CALN1: variants seen among roughly 807,000 people sequenced by gnomAD.
The protein encoded by CALN1 is calneuron 1.
Under a neutral mutation model 30.6 loss-of-function variants are expected in CALN1, and 17 were observed. That is an observed-to-expected ratio of 0.56 (90% CI 0.38 to 0.83). The LOEUF (loss-of-function observed/expected upper bound fraction) is 0.83. Ranked by LOEUF, CALN1 falls within the 40% of genes least tolerant of loss-of-function variation. The probability of loss-of-function intolerance (pLI) is 0.00; values close to 1 mark genes in which losing one functional copy is unlikely to be tolerated. For synonymous variants in CALN1, 156 were observed against 131.4 expected (o/e 1.19, Z -1.28); for missense variants, 291 against 354.9 (o/e 0.82, Z 1.45).
At chr7:71,942,822 C>A (rs6947748) in intron 5 of CALN1, among the ~76,000 whole-genome samples, 24,497 of 152,096 alleles carry the variant, frequency 0.16, 2,288 homozygotes, top group Non-Finnish European at 0.23. Flanking sequence ...CTGCTTAGGG[C>A]AAACCTGCCT....
chr7:72,293,334 C>T (rs888724642), intron 2 of CALN1, among the ~76,000 whole-genome samples: 1 of 151,936 alleles, frequency 6.6e-6, no homozygotes, highest in Admixed American at 6.6e-5. Context: ...TAGGGGCTGC[C>T]CAATAGGAAC....
chr7:72,475,834 C>T, the CALN1 span, among the ~76,000 whole-genome samples: 465 of 151,562 alleles, frequency 3.1e-3, 4 homozygotes, highest in Admixed American at 0.018. Context: ...TCATAGGGGC[C>T]GGTCTTTCTT....
chr7:71,795,950 C>T (rs1786887345), intron 6 of CALN1, among the ~76,000 whole-genome samples: 2 of 151,232 alleles, frequency 1.3e-5, no homozygotes, highest in South Asian at 4.2e-4. Flanking sequence ...TCCCGAGTAG[C>T]TGGGACTACA....
chr7:72,084,524 C>T (rs533409397), intron 4 of CALN1, among the ~76,000 whole-genome samples: 97 of 151,384 alleles, frequency 6.4e-4, no homozygotes, highest in African/African-American at 2.1e-3. Context: ...ATGCCCAGCT[C>T]ATTTTTTTGT....
chr7:71,787,733 A>G lies in CALN1; in HGVS notation c.*42T>C, dbSNP rs1250391172. The G allele has an allele frequency of 1.9e-6, 3 of 1,609,668 alleles. No individual in the cohort carries two copies. Among genetic ancestry groups the G allele is most frequent in the Non-Finnish European group, 1.7e-6 (2 of 1,178,056 alleles). ...AAGAGTCTGCCCGCACGGCATGCAC[A>G]TGCGCGGTGAGCTGCAACACAGTGT... On this transcript the variant is annotated 3_prime_UTR_variant, in exon 7 of 7. Coordinates refer to ENST00000395275, the MANE Select transcript of CALN1 (RefSeq NM_031468.4).
chr7:72,397,712 T>TCCCACACACACA (rs1248212217), intron 2 of CALN1, among the ~76,000 whole-genome samples: 2 of 70,218 alleles, frequency 2.8e-5, no homozygotes, highest in East Asian at 1.4e-3. Flanking sequence ...ACCCATTCTC[T>TCCCACACACACA]CTCACACACA....
At position 72,435,328 on chromosome 7, in the gene CALN1, A is replaced by G. The variant is rs1009378195; in HGVS notation, c.-226+11714T>C. On this transcript the variant is annotated intron_variant, in intron 1 of 6. Transcript: ENST00000395276. ...GGGGAAGAGACATAGGAAACAGGCCAGCAGAGAGAGCAGACGAGAATGTGG... is the reference window on the plus strand; with the variant it reads ...GGGGAAGAGACATAGGAAACAGGCCGGCAGAGAGAGCAGACGAGAATGTGG... 2.6e-5 allele frequency among the ~76,000 whole-genome samples: 4 copies of G among 152,126 alleles called. No individual in the cohort carries two copies. The South Asian group carries it at 8.3e-4, about 31-fold the overall frequency.
At chr7:72,436,657 A>G (rs893958552) in intron 1 of CALN1, among the ~76,000 whole-genome samples, 1 of 152,054 alleles carries the variant, frequency 6.6e-6, no homozygotes, top group East Asian at 1.9e-4. Context: ...GCTTGCTTCT[A>G]GGGGCCCCAG....
Position 71,978,262 on chromosome 7 carries a change from C to CTATTTTTTTTT in CALN1, c.501+45394_501+45395insAAAAAAAAATA, listed in dbSNP as rs1173448154. 6.9e-5 allele frequency among the ~76,000 whole-genome samples: 5 copies of CTATTTTTTTTT among 72,952 alleles called. 1 individual carries two copies. Among genetic ancestry groups the CTATTTTTTTTT allele is most frequent in the Admixed American group, 3.2e-4 (2 of 6,298 alleles). 47.9% of individuals were successfully genotyped at this position (72,952 alleles called of 152,430 possible). A position where few individuals can be genotyped will look rare whatever the true frequency, so the allele number is the denominator to read the frequency against. On this transcript the variant is annotated intron_variant, in intron 5 of 6. Transcript: ENST00000395275. The stretch of plus-strand genomic sequence containing the variant: ...AAAAACTCAGGGACTCTAGAGAATT[C>CTATTTTTTTTT]TTTTTTTTTTTTTTTTTTTTTTTTT...
intron 5 of CALN1, among the ~76,000 whole-genome samples, chr7:71,902,452 A>G (rs6976024): frequency 0.32 from 48,808 of 152,024 alleles, 9,124 homozygotes; most frequent in East Asian, 0.53. Flanking sequence ...GAAGAAAAGC[A>G]AATAGATGGA....
chr7:72,366,748 A>C (rs374428538), intron 2 of CALN1, among the ~76,000 whole-genome samples: 3 of 152,282 alleles, frequency 2.0e-5, no homozygotes, highest in East Asian at 1.9e-4. Flanking sequence ...TAGTTTGTCC[A>C]TTATGATAAC....
chr7:71,799,428 T>C (rs1276971299), intron 6 of CALN1, among the ~76,000 whole-genome samples: 1 of 108,150 alleles, frequency 9.2e-6, no homozygotes, highest in Non-Finnish European at 1.8e-5. Context: ...TCTTTTTATT[T>C]ATTTATTTAT....
chr7:72,051,851 C>G (rs952744537), intron 4 of CALN1, among the ~76,000 whole-genome samples: 2 of 152,178 alleles, frequency 1.3e-5, no homozygotes, highest in Non-Finnish European at 2.9e-5. Context: ...ATACTAGATT[C>G]CTTCAGGACT....
At chr7:72,300,581 T>G (rs1799188670) in intron 2 of CALN1, among the ~76,000 whole-genome samples, 1 of 152,208 alleles carries the variant, frequency 6.6e-6, no homozygotes, top group South Asian at 2.1e-4. Context: ...GTGTTTCAAC[T>G]GAGAAAAACG....
intron 2 of CALN1, among the ~76,000 whole-genome samples, chr7:72,295,953 G>A (rs1264823254): frequency 6.6e-6 from 1 of 151,924 alleles, no homozygotes; most frequent in Non-Finnish European, 1.5e-5. Flanking sequence ...GTTTTCAAAC[G>A]GAATGCTTCC....
At chr7:71,842,602 G>A (rs12699099) in intron 5 of CALN1, among the ~76,000 whole-genome samples, 44,646 of 152,066 alleles carry the variant, frequency 0.29, 7,096 homozygotes, top group East Asian at 0.66. Context: ...GAAATACACC[G>A]GTACATTAGC....
intron 2 of CALN1, among the ~76,000 whole-genome samples, chr7:72,367,848 T>C (rs954885902): frequency 1.3e-5 from 2 of 151,682 alleles, no homozygotes; most frequent in Non-Finnish European, 2.9e-5. Flanking sequence ...AAAATATATA[T>C]ATAGGCCGGG....
At chr7:72,494,052 A>G in the CALN1 span, among the ~76,000 whole-genome samples, 11 of 152,300 alleles carry the variant, frequency 7.2e-5, 1 homozygote, top group Admixed American at 4.6e-4. Context: ...TAAGCTGGGC[A>G]TGGTGGTGCA....
At chr7:72,362,681 C>T (rs918884744) in intron 2 of CALN1, among the ~76,000 whole-genome samples, 1 of 152,134 alleles carries the variant, frequency 6.6e-6, no homozygotes, top group Admixed American at 6.5e-5. Context: ...GCCTGTGTGC[C>T]CAGTCCCTGC....
Sources: allele counts gnomAD v4.1 joint callset (sites outside exome capture counted in the v4.1 genomes callset), GRCh38; gene constraint gnomAD v4.1.1; transcripts MANE v1.5; gene names NCBI Gene and HGNC (gene_info 2026-07-23, HGNC 2026-07-21).